Variants in CCP110 observed in about 807,000 individuals in gnomAD.
CCP110 encodes centriolar coiled-coil protein of 110 kDa.
In CCP110, 43 loss-of-function variants were observed where a neutral mutation model predicts 105.5. The observed-to-expected ratio is 0.41, with a 90% confidence interval of 0.32 to 0.53. The LOEUF is 0.53. CCP110 is among the 20% of genes least tolerant of loss of function. CCP110 has a pLI of 0.32. For synonymous variants in CCP110, 353 were observed against 392.1 expected (o/e 0.90, Z 1.18); for missense variants, 1,016 against 1,189.1 (o/e 0.85, Z 2.14).
At chr16:19,541,649 GGAGA>G (rs142905705) in intron 5 of CCP110, among the ~76,000 whole-genome samples, 12,157 of 128,632 alleles carry the variant, frequency 0.095, 606 homozygotes, top group Middle Eastern at 0.15. Flanking sequence ...GAGAGAGAGA[GGAGA>G]GAGAGAGAGA....
chr16:19,537,145 C>CA lies in CCP110; in HGVS notation c.1477dup (p.Ile493AsnfsTer14). 6.2e-7 allele frequency: 1 copy of CA among 1,614,182 alleles called. No homozygotes were observed. The highest frequency in any genetic ancestry group is 8.5e-7 in the Non-Finnish European group (1 of 1,180,034). ...TAACATCCGATGAGAGAGGCGCACA[C>CA]ATAATGAACAGTACCTGTGCTGCGA... is the stretch of plus-strand genomic sequence containing the variant. On this transcript the variant is annotated frameshift_variant, in exon 4 of 15. Transcript: ENST00000381396. LOFTEE classifies it high-confidence loss of function.
At chr16:19,544,712 T>C (rs1970402178) in intron 8 of CCP110, 85 bp from the exon 9 acceptor site, 2 of 731,770 alleles carry the variant, frequency 2.7e-6, no homozygotes, top group Admixed American at 4.5e-5. Context: ...TAATTTTGGA[T>C]TGACTGAGAA....
intron 14 of CCP110, among the ~76,000 whole-genome samples, chr16:19,549,177 T>A (rs1410517718): frequency 6.6e-6 from 1 of 152,232 alleles, no homozygotes; most frequent in African/African-American, 2.4e-5. Flanking sequence ...CTTGAGCAAA[T>A]TCAAAGCTCT....
intron 2 of CCP110, among the ~76,000 whole-genome samples, chr16:19,528,310 A>G (rs527854882): frequency 6.6e-6 from 1 of 152,364 alleles, no homozygotes; most frequent in African/African-American, 2.4e-5. Context: ...AAAAGCATAC[A>G]TAGCCTTTGG....
rs370209571 is a variant in CCP110, at chr16:19,535,374, TTTAG to T, written c.271-562_271-559del. On this transcript the variant is annotated intron_variant, in intron 3 of 14. Coordinates refer to ENST00000381396, the Ensembl canonical transcript of CCP110. ...TCATTCATTCATTTTTGAGACAAAG[TTTAG>T]TTAAACTTTGGAGTAAGCATGTAGG... 7.0e-4 allele frequency among the ~76,000 whole-genome samples: 107 copies of T among 152,268 alleles called. 1 individual carries two copies. The East Asian group carries it at 8.5e-3, about 12-fold the overall frequency.
exon 4 of CCP110, chr16:19,536,749 A>G (rs1970076295): frequency 1.2e-6 from 2 of 1,614,202 alleles, no homozygotes; most frequent in Non-Finnish European, 8.5e-7. Context: ...TTACAGGTTC[A>G]TATGCCAAAT....
At chr16:19,539,612 C>A (rs1288608466) in intron 4 of CCP110, among the ~76,000 whole-genome samples, 1 of 151,852 alleles carries the variant, frequency 6.6e-6, no homozygotes, top group Non-Finnish European at 1.5e-5. Context: ...CCTTGGCCTC[C>A]CAAAGTGCTG....
At chr16:19,540,981 G>C (rs1447541672) in intron 5 of CCP110, among the ~76,000 whole-genome samples, 194 bp downstream of exon 5, 1 of 152,118 alleles carries the variant, frequency 6.6e-6, no homozygotes, top group Non-Finnish European at 1.5e-5. Context: ...AAAAGTAATT[G>C]CATAATTTAT....
At chr16:19,537,382 T>C (rs746176518) in exon 4 of CCP110, 4 of 1,612,120 alleles carry the variant, frequency 2.5e-6, no homozygotes, top group South Asian at 2.2e-5. Context: ...TGGTGTCCTG[T>C]GGAAATGAAC....
At chr16:19,533,815 G>T (rs1395375121) in intron 3 of CCP110, among the ~76,000 whole-genome samples, 1 of 152,228 alleles carries the variant, frequency 6.6e-6, no homozygotes, top group East Asian at 1.9e-4. Context: ...AGTCTACCTG[G>T]GTAGATAGGT....
Position 19,534,616 on chromosome 16 carries a change from T to G in CCP110, c.271-1324T>G, listed in dbSNP as rs192882466. Among the ~76,000 whole-genome samples the G allele has an allele frequency of 2.6e-5, 4 of 151,654 alleles. No individual in the cohort carries two copies. In the East Asian group the frequency reaches 7.8e-4, roughly 29 times the overall value. The stretch of plus-strand genomic sequence containing the variant: ...AATATGCATCCTTTTTGTTTTATTT[T>G]GGTCCTGAGGCTGTGACTAAGTATG... On this transcript the variant is annotated intron_variant, in intron 3 of 14. Coordinates refer to ENST00000381396, the Ensembl canonical transcript of CCP110.
intron 1 of CCP110, chr16:19,525,472 T>C (rs1434179537): frequency 6.6e-6 from 1 of 152,220 alleles, no homozygotes; most frequent in African/African-American, 2.4e-5. Context: ...GTAATTGTAG[T>C]GTGAAAGGCA....
rs1432376689 is a variant in CCP110, at chr16:19,545,296, C to A, written c.2703+86C>A. On this transcript the variant is annotated intron_variant, in intron 10 of 14. Coordinates refer to ENST00000381396, the Ensembl canonical transcript of CCP110. ...TGTCAGTTTTGGTTGACTTCAGCACCCTTCTTCTGATAATTCTTAAGCACA... is the reference window on the plus strand; with the variant it reads ...TGTCAGTTTTGGTTGACTTCAGCACACTTCTTCTGATAATTCTTAAGCACA... 6.5e-6 allele frequency: 4 copies of A among 619,776 alleles called. No individual in the cohort carries two copies. The African/African-American group carries it at 7.5e-5, about 12-fold the overall frequency. The allele number at this position is 619,776 out of a possible 1,614,324, so 38.4% of individuals were successfully genotyped here. A position where few individuals can be genotyped will look rare whatever the true frequency, so the allele number is the denominator to read the frequency against.
intron 3 of CCP110, among the ~76,000 whole-genome samples, chr16:19,533,875 T>C (rs1016201910): frequency 3.9e-5 from 6 of 152,206 alleles, no homozygotes; most frequent in Admixed American, 2.6e-4. Context: ...AAGGCAGTTT[T>C]TGTGTGACTC....
intron 11 of CCP110, 32 bp downstream of exon 11, chr16:19,545,922 T>A: frequency 8.1e-7 from 1 of 1,232,080 alleles, no homozygotes; most frequent in Non-Finnish European, 1.2e-6. Flanking sequence ...ATGTTAGTTA[T>A]CAAACCAATT....
At chr16:19,531,715 C>A (rs1164712027) in intron 2 of CCP110, among the ~76,000 whole-genome samples, 1 of 152,142 alleles carries the variant, frequency 6.6e-6, no homozygotes, top group Non-Finnish European at 1.5e-5. Flanking sequence ...CGCCTGTAAT[C>A]CCAGCACTTT....
chr16:19,524,917 T>C (rs968621996), intron 1 of CCP110: 5 of 152,256 alleles, frequency 3.3e-5, no homozygotes. Context: ...CTGCGTGTTC[T>C]GCACTACGTT....
intron 12 of CCP110, chr16:19,547,065 T>C (rs1970486852): frequency 6.6e-6 from 1 of 152,354 alleles, no homozygotes; most frequent in Non-Finnish European, 1.5e-5. Context: ...TGAGTTCAGT[T>C]AGACAGTCCA....
chr16:19,547,932 T>C, intron 12 of CCP110, 23 bp from the exon 13 acceptor site: 1 of 1,554,568 alleles, frequency 6.4e-7, no homozygotes, highest in Non-Finnish European at 8.9e-7. Context: ...ATTAAATTAA[T>C]TTTTCATTTA....
Sources: allele counts gnomAD v4.1 joint callset (sites outside exome capture counted in the v4.1 genomes callset), GRCh38; gene constraint gnomAD v4.1.1; transcripts MANE v1.5; gene names NCBI Gene and HGNC (gene_info 2026-07-23, HGNC 2026-07-21).